Variants in PTDSS2 observed in about 807,000 individuals in gnomAD.
PTDSS2 encodes the protein PSS-2.
In PTDSS2, 41 loss-of-function variants were observed where a neutral mutation model predicts 64.7. That is an observed-to-expected ratio of 0.63 (90% CI 0.49 to 0.82). PTDSS2 has a LOEUF of 0.82. PTDSS2 is among the 40% of genes least tolerant of loss of function. PTDSS2 has a pLI of 0.00. For synonymous variants in PTDSS2, 297 were observed against 277.8 expected (o/e 1.07, Z -0.69); for missense variants, 485 against 650.0 (o/e 0.75, Z 2.76).
intron 1 of PTDSS2, among the ~76,000 whole-genome samples, chr11:456,616 A>G (rs1762071615): frequency 6.6e-6 from 1 of 152,216 alleles, no homozygotes; most frequent in Non-Finnish European, 1.5e-5. Context: ...GCCCCAGCTG[A>G]GCCCAGCCCG....
intron 1 of PTDSS2, among the ~76,000 whole-genome samples, chr11:454,682 G>A (rs943746851): frequency 1.3e-5 from 2 of 152,186 alleles, no homozygotes; most frequent in African/African-American, 4.8e-5. Flanking sequence ...GCGGGCGCCT[G>A]TAATCCCAGC....
At position 490,472 on chromosome 11, in the gene PTDSS2, GA is replaced by G; in HGVS notation, c.1355del (p.Asp452ValfsTer58). The G allele has an allele frequency of 6.2e-7, 1 of 1,613,212 alleles. No homozygotes were observed. On this transcript the variant is annotated frameshift_variant, in exon 12 of 12. Coordinates refer to ENST00000308020, the MANE Select transcript of PTDSS2 (RefSeq NM_030783.3). LOFTEE classifies it low-confidence loss of function (END_TRUNC). ...CCGGTGGCAGAAGTGGCAGAACAAG[GA>G]TGACCAGGGCAGCACCGTCGGCAAC... ...ETRWQKWQNK[D>X]DQGSTVGNGD...
Position 479,318 on chromosome 11 carries a change from T to C in PTDSS2, c.435+166T>C. 1 of 699,004 alleles carries C rather than the reference T, an allele frequency of 1.4e-6. No homozygotes were observed. The highest frequency in any genetic ancestry group is 2.6e-6 in the Non-Finnish European group (1 of 390,008). 43.3% of individuals were successfully genotyped at this position (699,004 alleles called of 1,614,324 possible). On this transcript the variant is annotated intron_variant, in intron 4 of 11. Transcript: ENST00000308020. This position sits in a 1 kb window ranked among gnomAD's most constrained non-coding sequence, Gnocchi z 4.2. ...TGCGGGGGGTCTCCAGGAGCATCTG[T>C]GCGGCCCTTGAGTGATGGGGGGCAG... is the stretch of plus-strand genomic sequence containing the variant.
intron 1 of PTDSS2, among the ~76,000 whole-genome samples, chr11:456,174 T>G (rs1846586231): frequency 6.9e-6 from 1 of 144,320 alleles, no homozygotes; most frequent in Non-Finnish European, 1.5e-5. Context: ...TTCATTCTTT[T>G]TTTTTTTTTT....
At chr11:477,331 T>C (rs1378136855) in intron 3 of PTDSS2, among the ~76,000 whole-genome samples, 4 of 152,218 alleles carry the variant, frequency 2.6e-5, no homozygotes, top group Non-Finnish European at 5.9e-5. Context: ...AGCCACAGCA[T>C]TTCCAGGGCT....
Position 490,602 on chromosome 11 carries a change from G to A in PTDSS2, c.*20G>A, listed in dbSNP as rs200907084. 719 of 1,561,800 alleles carry A rather than the reference G, an allele frequency of 4.6e-4. 9 individuals are homozygous for A. The East Asian group carries it at 0.012, about 26-fold the overall frequency. On this transcript the variant is annotated 3_prime_UTR_variant, in exon 12 of 12. Coordinates refer to ENST00000308020, the MANE Select transcript of PTDSS2 (RefSeq NM_030783.3). ...AACTGACCTGGGCCGTGGCTGCCTC[G>A]TGAGCCTCCCAGAGCCCAGGCCTCC...
chr11:464,197 G>A (rs1201274366), intron 2 of PTDSS2, among the ~76,000 whole-genome samples: 1 of 151,584 alleles, frequency 6.6e-6, no homozygotes, highest in Non-Finnish European at 1.5e-5. Flanking sequence ...TGCCCAGGCT[G>A]GTTTTGAACT....
intron 11 of PTDSS2, 81 bp from the exon 12 acceptor site, chr11:490,338 AG>A: frequency 6.3e-7 from 1 of 1,587,934 alleles, no homozygotes; most frequent in Non-Finnish European, 8.6e-7. Context: ...GGACCTCCAC[AG>A]GGACTAGGTG....
Position 461,965 on chromosome 11 carries a change from C to T in PTDSS2, c.284+1677C>T, listed in dbSNP as rs2133772604. On this transcript the variant is annotated intron_variant, in intron 2 of 11. Transcript: ENST00000308020. The surrounding 1 kb of genome is among the most constrained non-coding windows in gnomAD (Gnocchi z 4.2). ...CTTGGTCTTTCTTGAATTCATCCAT[C>T]AGCACCTGGCTAGGAGGGTCTGTGG... 6.6e-6 allele frequency among the ~76,000 whole-genome samples: 1 copy of T among 152,288 alleles called. No individual in the cohort carries two copies. The highest frequency in any genetic ancestry group is 1.9e-4 in the East Asian group (1 of 5,172).
intron 3 of PTDSS2, among the ~76,000 whole-genome samples, 188 bp from the exon 4 acceptor site, chr11:478,897 A>T (rs895259842): frequency 3.3e-5 from 5 of 152,196 alleles, no homozygotes; most frequent in Non-Finnish European, 7.3e-5. Context: ...AAGAAAAAAA[A>T]TTCACTTTTC....
chr11:455,079 G>A (rs1054006617), intron 1 of PTDSS2, among the ~76,000 whole-genome samples: 10 of 152,152 alleles, frequency 6.6e-5, no homozygotes, highest in Non-Finnish European at 1.2e-4. Context: ...AGGCCTGGTC[G>A]TTTCCATCTT....
chr11:489,174 G>A (rs1287197936), intron 8 of PTDSS2, among the ~76,000 whole-genome samples: 2 of 152,234 alleles, frequency 1.3e-5, no homozygotes, highest in African/African-American at 4.8e-5. Flanking sequence ...GAGAAGCAGG[G>A]CTTGTAGCTG....
rs538891830 is a variant in PTDSS2, at chr11:484,715, A to G, written c.436-2224A>G. 1.1e-4 allele frequency among the ~76,000 whole-genome samples: 16 copies of G among 147,558 alleles called. No homozygotes were observed. In the South Asian group the frequency reaches 1.7e-3, roughly 16 times the overall value. On this transcript the variant is annotated intron_variant, in intron 4 of 11. Coordinates refer to ENST00000308020, the MANE Select transcript of PTDSS2 (RefSeq NM_030783.3). ...GCTGTGTGTGTGCAGGCGAGCGTAA[A>G]CAGTGCACGGATGCGTGTGCTCACC...
chr11:473,091 G>C (rs1214255162), intron 2 of PTDSS2, among the ~76,000 whole-genome samples: 1 of 152,244 alleles, frequency 6.6e-6, no homozygotes, highest in Non-Finnish European at 1.5e-5. Flanking sequence ...CCTGTGACCA[G>C]GGCTGTCTGC....
Position 479,100 on chromosome 11 carries a change from G to A in PTDSS2, c.383G>A (p.Trp128Ter). 6.2e-7 allele frequency: 1 copy of A among 1,614,154 alleles called. No homozygotes were observed. The highest frequency in any genetic ancestry group is 1.6e-4 in the Middle Eastern group (1 of 6,062). ...SRPHPAYWRF[W>*]LCVSVVYELF... ...GTCTTTGTAGCTTACTGGAGGTTTT[G>A]GCTCTGCGTGAGTGTGGTCTACGAG... The change falls in exon 4 of 12, where the codon TGG (tryptophan) becomes TAG (stop). Residue 128 changes from tryptophan to a stop codon, truncating the protein, a stop_gained. Transcript: ENST00000308020. LOFTEE classifies it high-confidence loss of function. The surrounding 1 kb of genome is among the most constrained non-coding windows in gnomAD (Gnocchi z 4.2).
chr11:461,908 C>T lies in PTDSS2; in HGVS notation c.284+1620C>T, dbSNP rs981603292. On this transcript the variant is annotated intron_variant, in intron 2 of 11. Coordinates refer to ENST00000308020, the MANE Select transcript of PTDSS2 (RefSeq NM_030783.3). The surrounding 1 kb of genome is among the most constrained non-coding windows in gnomAD (Gnocchi z 4.2). Reference sequence around the variant, plus strand: ...GCAGTGAGGCAGTGGGCAGGAGCCCCGTGTGTGCCTAGAGGGAGCTTTCAA... The same window carrying T: ...GCAGTGAGGCAGTGGGCAGGAGCCCTGTGTGTGCCTAGAGGGAGCTTTCAA... Among the ~76,000 whole-genome samples, 1 of 152,168 alleles carries T rather than the reference C, an allele frequency of 6.6e-6. No individual in the cohort carries two copies. The highest frequency in any genetic ancestry group is 2.4e-5 in the African/African-American group (1 of 41,442).
At chr11:449,847 T>C (rs1846237965), upstream of PTDSS2, among the ~76,000 whole-genome samples, 1 of 152,146 alleles carries the variant, frequency 6.6e-6, no homozygotes, top group African/African-American at 2.4e-5. Context: ...CTCGGGAAGC[T>C]TGAGACAGAA....
At chr11:466,461 A>G (rs1261939773) in intron 2 of PTDSS2, among the ~76,000 whole-genome samples, 1 of 143,682 alleles carries the variant, frequency 7.0e-6, no homozygotes, top group Non-Finnish European at 1.5e-5. Flanking sequence ...GCTGGAGTGC[A>G]GTGGCATGAT....
intron 2 of PTDSS2, among the ~76,000 whole-genome samples, chr11:466,700 C>T (rs772097790): frequency 6.6e-6 from 1 of 152,056 alleles, no homozygotes; most frequent in African/African-American, 2.4e-5. Context: ...TGAGCCACCG[C>T]GCACGGCCAA....
Sources: allele counts gnomAD v4.1 joint callset (sites outside exome capture counted in the v4.1 genomes callset), GRCh38; gene constraint gnomAD v4.1.1; non-coding constraint Gnocchi (gnomAD v3.1); transcripts MANE v1.5; gene names NCBI Gene and HGNC (gene_info 2026-07-23, HGNC 2026-07-21).